THSD7B: variants seen among roughly 807,000 people sequenced by gnomAD.
The protein encoded by THSD7B is thrombospondin type-1 domain-containing protein 7B.
THSD7B carries 138 observed loss-of-function variants against 213.6 expected under a neutral mutation model. The ratio of observed to expected loss-of-function variants is 0.65; its 90% CI spans 0.56 to 0.74. The LOEUF (loss-of-function observed/expected upper bound fraction) is 0.74. Ranked by LOEUF, THSD7B falls within the 30% of genes least tolerant of loss-of-function variation. The probability of loss-of-function intolerance (pLI) is 0.00; values close to 1 mark genes in which losing one functional copy is unlikely to be tolerated. For synonymous variants in THSD7B, 742 were observed against 687.0 expected (o/e 1.08, Z -1.25); for missense variants, 1,931 against 1,991.5 (o/e 0.97, Z 0.58).
chr2:137,115,437 C>G (rs1688431662), intron 5 of THSD7B, 144 bp downstream of exon 5: 2 of 888,402 alleles, frequency 2.3e-6, no homozygotes, highest in Non-Finnish European at 3.2e-6. Context: ...TATGCCGCCC[C>G]TAAGTTCTTC....
At chr2:136,998,524 G>C (rs1047494182) in intron 2 of THSD7B, among the ~76,000 whole-genome samples, 41 of 152,122 alleles carry the variant, frequency 2.7e-4, no homozygotes, top group Admixed American at 2.2e-3. Flanking sequence ...TCTTTATAAA[G>C]TTTTACTGAG....
intron 2 of THSD7B, among the ~76,000 whole-genome samples, chr2:136,948,434 T>C (rs1245713823): frequency 6.6e-6 from 1 of 151,928 alleles, no homozygotes; most frequent in Non-Finnish European, 1.5e-5. Flanking sequence ...CCTTTCTTTT[T>C]TTCATGCCTC....
rs183656441 is a variant in THSD7B at position 137,104,804 on chromosome 2, C to T, written c.1199+9683C>T. 2.0e-5 allele frequency among the ~76,000 whole-genome samples: 3 copies of T among 152,256 alleles called. 1 individual carries two copies. Among genetic ancestry groups the T allele is most frequent in the Non-Finnish European group, 4.4e-5 (3 of 68,008 alleles). On this transcript the variant is annotated intron_variant, in intron 4 of 27. Transcript: ENST00000409968. ...TCTGTACGCAAATAAACTAAAAAAT[C>T]TACAAGAAATGGATAAATTCCTGGA...
chr2:136,917,751 C>T (rs1054242208), intron 2 of THSD7B, among the ~76,000 whole-genome samples: 2 of 152,154 alleles, frequency 1.3e-5, no homozygotes, highest in Admixed American at 1.3e-4. Context: ...GTTCTGTCAC[C>T]CTGGAGGACT....
At chr2:137,551,149 G>A (rs1431681186) in intron 15 of THSD7B, among the ~76,000 whole-genome samples, 1 of 151,988 alleles carries the variant, frequency 6.6e-6, no homozygotes, top group Non-Finnish European at 1.5e-5. Flanking sequence ...TTATCCTTCT[G>A]AAAGTGATCT....
At chr2:137,672,138 A>C (rs992332944) in intron 27 of THSD7B, among the ~76,000 whole-genome samples, 8 of 152,184 alleles carry the variant, frequency 5.3e-5, no homozygotes, top group Non-Finnish European at 8.8e-5. Context: ...AAACTAATTT[A>C]TTGCCCGTGA....
intron 2 of THSD7B, among the ~76,000 whole-genome samples, chr2:137,004,365 C>T (rs1686064640): frequency 6.8e-6 from 1 of 147,348 alleles, no homozygotes; most frequent in Non-Finnish European, 1.5e-5. Context: ...TCCAGGAGAA[C>T]CATTATAAGG....
rs771331606 is a variant in THSD7B, at chr2:137,405,887, G to A, written c.2695+80G>A. On this transcript the variant is annotated intron_variant, in intron 13 of 27. Transcript: ENST00000409968. ...TTTGTGTAGAATATGAGGTCCAAAG[G>A]ACAGGAATTTGCATCAGGTCTCTTC... is the stretch of plus-strand genomic sequence containing the variant. The A allele has an allele frequency of 4.2e-5, 56 of 1,321,328 alleles. No homozygotes were observed. The Admixed American group carries it at 6.1e-4, about 14-fold the overall frequency. The allele number at this position is 1,321,328 out of a possible 1,614,324, so 81.9% of individuals were successfully genotyped here. A position where few individuals can be genotyped will look rare whatever the true frequency, so the allele number is the denominator to read the frequency against.
intron 12 of THSD7B, among the ~76,000 whole-genome samples, chr2:137,347,989 G>A (rs552675301): frequency 2.0e-5 from 3 of 151,048 alleles, no homozygotes; most frequent in Admixed American, 2.0e-4. Context: ...AACATAGAAA[G>A]CATTACTAGA....
chr2:137,617,808 C>T (rs1194754629), intron 18 of THSD7B, among the ~76,000 whole-genome samples: 1 of 152,108 alleles, frequency 6.6e-6, no homozygotes, highest in Non-Finnish European at 1.5e-5. Flanking sequence ...TATCTCTAGA[C>T]AGTGCCTTCT....
At chr2:137,403,770 G>C (rs1459466775) in intron 12 of THSD7B, among the ~76,000 whole-genome samples, 2 of 152,216 alleles carry the variant, frequency 1.3e-5, no homozygotes, top group Non-Finnish European at 2.9e-5. Flanking sequence ...GTTTTCAACT[G>C]TGGCAATTTT....
At chr2:137,652,519 CTA>C (rs1022224290) in intron 21 of THSD7B, among the ~76,000 whole-genome samples, 4 of 152,028 alleles carry the variant, frequency 2.6e-5, no homozygotes, top group African/African-American at 9.7e-5. Flanking sequence ...TTCAGACACT[CTA>C]TGTCTTTTAA....
Position 137,170,829 on chromosome 2 carries a change from G to C in THSD7B, c.1614G>C (p.Glu538Asp), listed in dbSNP as rs1474890226. ...ATTTGGTGGAGTCTGTTCCTTGTGAGGATCCAATGTGCTACCGATGGCTGG... is the reference window on the plus strand; with the variant it reads ...ATTTGGTGGAGTCTGTTCCTTGTGACGATCCAATGTGCTACCGATGGCTGG... ...CPHLVESVPC[E>D]DPMCYRWLAS... The change falls in exon 7 of 28, where the codon GAG (glutamate) becomes GAC (aspartate). Residue 538 changes from glutamate (E) to aspartate (D), a missense_variant. Coordinates refer to ENST00000409968, the MANE Select transcript of THSD7B (RefSeq NM_001316349.2). 1 of 1,613,754 alleles carries C rather than the reference G, an allele frequency of 6.2e-7. No individual in the cohort carries two copies. Among genetic ancestry groups the C allele is most frequent in the Non-Finnish European group, 8.5e-7 (1 of 1,179,792 alleles).
intron 17 of THSD7B, among the ~76,000 whole-genome samples, chr2:137,601,797 A>G (rs371350251): frequency 6.6e-6 from 1 of 152,248 alleles, no homozygotes; most frequent in African/African-American, 2.4e-5. Context: ...TGAAAGATAC[A>G]GCAATGAAAT....
chr2:137,497,577 A>G (rs1679599225), intron 15 of THSD7B, among the ~76,000 whole-genome samples: 1 of 151,938 alleles, frequency 6.6e-6, no homozygotes, highest in Non-Finnish European at 1.5e-5. Context: ...ATATAATTAT[A>G]CATACATATC....
intron 5 of THSD7B, among the ~76,000 whole-genome samples, chr2:137,119,486 A>G (rs1164603081): frequency 6.6e-6 from 1 of 152,178 alleles, no homozygotes; most frequent in African/African-American, 2.4e-5. Flanking sequence ...CATTGAGGTG[A>G]TATTTAAAAG....
intron 2 of THSD7B, chr2:136,990,925 C>T: frequency 1.5e-6 from 2 of 1,347,338 alleles, no homozygotes; most frequent in Non-Finnish European, 2.0e-6. Flanking sequence ...GGTTTTGTAT[C>T]ACAAATTAGC....
At chr2:137,215,011 G>A (rs964527605) in intron 7 of THSD7B, among the ~76,000 whole-genome samples, 4 of 152,134 alleles carry the variant, frequency 2.6e-5, no homozygotes, top group African/African-American at 9.7e-5. Flanking sequence ...TCCCTACACT[G>A]TCTTCCACAA....
chr2:137,643,686 G>T (rs1264594661), intron 21 of THSD7B, among the ~76,000 whole-genome samples: 1 of 152,064 alleles, frequency 6.6e-6, no homozygotes. Context: ...CTTATCATTG[G>T]GACTGCTTTG....
Sources: allele counts gnomAD v4.1 joint callset (sites outside exome capture counted in the v4.1 genomes callset), GRCh38; gene constraint gnomAD v4.1.1; transcripts MANE v1.5; gene names NCBI Gene and HGNC (gene_info 2026-07-23, HGNC 2026-07-21).